PKD1L1: variants seen among roughly 807,000 people sequenced by gnomAD.
PKD1L1 encodes polycystin-1-like protein 1.
In PKD1L1, 236 loss-of-function variants were observed where a neutral mutation model predicts 323.4. The observed-to-expected ratio is 0.73, with a 90% CI of 0.66 to 0.81. The LOEUF (loss-of-function observed/expected upper bound fraction) is 0.81. Ranked by LOEUF, PKD1L1 falls within the 40% of genes least tolerant of loss-of-function variation. The probability of loss-of-function intolerance (pLI) is 0.00; values close to 1 mark genes in which losing one functional copy is unlikely to be tolerated. For missense variants in PKD1L1, 3,320 were observed against 3,508.0 expected (o/e 0.95, Z 1.35); for synonymous variants, 1,344 against 1,335.0 (o/e 1.01, Z -0.15).
At chr7:47,804,366 TTATAA>T (rs1466797234) in intron 52 of PKD1L1, among the ~76,000 whole-genome samples, 1 of 152,140 alleles carries the variant, frequency 6.6e-6, no homozygotes, top group Non-Finnish European at 1.5e-5. Context: ...TAAATTTGTT[TTATAA>T]TATATTTTGT....
In PKD1L1 at chr7:47,858,765, A is replaced by T; in HGVS notation, c.4270T>A (p.Ser1424Thr). 1 of 1,614,144 alleles carries T rather than the reference A, an allele frequency of 6.2e-7. No individual in the cohort carries two copies. Residue 1424 changes from serine (S) to threonine (T), a missense_variant, in exon 27 of 57, where the codon TCC (serine) becomes ACC (threonine). Coordinates refer to ENST00000289672, the MANE Select transcript of PKD1L1 (RefSeq NM_138295.5). The stretch of plus-strand genomic sequence containing the variant: ...TGCTCAGAGACTTCCCAGACTCTGG[A>T]TATGAGACCGATGAGCTCAAGCCTC... Reference protein sequence around the residue: ...GVRLELIGLISRVWEVSEQEN... With the variant: ...GVRLELIGLITRVWEVSEQEN...
chr7:47,927,371 C>T (rs965617272), intron 7 of PKD1L1, among the ~76,000 whole-genome samples: 19 of 152,134 alleles, frequency 1.2e-4, no homozygotes, highest in African/African-American at 4.3e-4. Context: ...CTCCACCTCC[C>T]GGGTTCAAGC....
chr7:47,824,305 C>A (rs1785201197), intron 45 of PKD1L1, among the ~76,000 whole-genome samples: 1 of 152,208 alleles, frequency 6.6e-6, no homozygotes, highest in Admixed American at 6.5e-5. Flanking sequence ...AGAGTTTTGA[C>A]TTCCTTGAAC....
At chr7:47,956,972 TG>T in the PKD1L1 span, 1 of 153,220 alleles carries the variant, frequency 6.5e-6, no homozygotes, top group Non-Finnish European at 1.5e-5. Flanking sequence ...CATATAAAGA[TG>T]AAGGTTTTGC....
upstream of PKD1L1, among the ~76,000 whole-genome samples, chr7:47,948,786 C>T (rs1005090758): frequency 2.6e-5 from 4 of 151,904 alleles, no homozygotes; most frequent in Non-Finnish European, 5.9e-5. Flanking sequence ...GGTGAAACCC[C>T]GTCTCTACTA....
In PKD1L1 at chr7:47,865,523, G is replaced by A. The variant is rs7800256; in HGVS notation, c.4093-251C>T. 0.036 allele frequency among the ~76,000 whole-genome samples: 5,363 copies of A among 147,182 alleles called. 124 individuals are homozygous for A. The highest frequency in any genetic ancestry group is 0.054 in the Non-Finnish European group (3,596 of 66,518). On this transcript the variant is annotated intron_variant, in intron 25 of 56. Coordinates refer to ENST00000289672, the MANE Select transcript of PKD1L1 (RefSeq NM_138295.5). ...GCACACTCCATCAGGGAACTGACAC[G>A]AGGGCTGATGAAATAAGGGTGCAGA... is the stretch of plus-strand genomic sequence containing the variant.
At chr7:47,899,039 G>A (rs551707152) in intron 13 of PKD1L1, among the ~76,000 whole-genome samples, 24 of 152,320 alleles carry the variant, frequency 1.6e-4, no homozygotes, top group South Asian at 2.1e-4. Flanking sequence ...GTAAGAAGCT[G>A]GGGCACTAGT....
At chr7:47,799,705 G>A (rs931628295) in intron 54 of PKD1L1, among the ~76,000 whole-genome samples, 10 of 152,210 alleles carry the variant, frequency 6.6e-5, no homozygotes, top group African/African-American at 2.2e-4. Context: ...ACGAGTCACA[G>A]TGGAGGGATC....
At chr7:47,918,817 T>G (rs1490789364) in intron 7 of PKD1L1, among the ~76,000 whole-genome samples, 1 of 152,104 alleles carries the variant, frequency 6.6e-6, no homozygotes, top group Non-Finnish European at 1.5e-5. Flanking sequence ...TTCTTCAAAC[T>G]GAACCACAAT....
At chr7:47,799,804 A>G (rs928343620) in intron 54 of PKD1L1, among the ~76,000 whole-genome samples, 4 of 152,216 alleles carry the variant, frequency 2.6e-5, no homozygotes, top group African/African-American at 9.7e-5. Flanking sequence ...AGCCTTCCAT[A>G]GGAACACCTG....
chr7:47,889,503 A>G (rs77201237), intron 16 of PKD1L1, among the ~76,000 whole-genome samples: 7,996 of 152,124 alleles, frequency 0.053, 535 homozygotes, highest in African/African-American at 0.16. Context: ...GCAGTGCTGT[A>G]TGACCTTGGG....
the PKD1L1 span, among the ~76,000 whole-genome samples, chr7:47,955,570 T>G: frequency 6.6e-6 from 1 of 152,242 alleles, no homozygotes; most frequent in Admixed American, 6.5e-5. Context: ...TTTTGCCATA[T>G]CAGTACACTT....
chr7:47,899,922 C>T (rs901971481), intron 13 of PKD1L1, among the ~76,000 whole-genome samples: 1 of 137,068 alleles, frequency 7.3e-6, no homozygotes, highest in African/African-American at 2.8e-5. Context: ...CACCACTGCA[C>T]TCCCTCCTAG....
intron 55 of PKD1L1, among the ~76,000 whole-genome samples, chr7:47,794,474 A>C (rs529292008): frequency 6.6e-6 from 1 of 152,290 alleles, no homozygotes; most frequent in East Asian, 1.9e-4. Flanking sequence ...GGGTGCACAG[A>C]AGTCAAGAAT....
At chr7:47,787,855 G>C (rs1383693174) in intron 56 of PKD1L1, among the ~76,000 whole-genome samples, 1 of 152,122 alleles carries the variant, frequency 6.6e-6, no homozygotes, top group Non-Finnish European at 1.5e-5. Flanking sequence ...GGGACTAGAG[G>C]TGTGTGCCAC....
At chr7:47,873,830 G>T in intron 24 of PKD1L1, 69 bp downstream of exon 24, 3 of 1,210,198 alleles carry the variant, frequency 2.5e-6, no homozygotes, top group Non-Finnish European at 3.6e-6. Context: ...TTAACAACTT[G>T]GGGGAGAGCC....
chr7:47,790,467 A>G (rs1024413204), intron 56 of PKD1L1, among the ~76,000 whole-genome samples: 10 of 151,740 alleles, frequency 6.6e-5, no homozygotes, highest in African/African-American at 2.2e-4. Flanking sequence ...AGTAGCTGGG[A>G]CTACAGGCGC....
intron 8 of PKD1L1, among the ~76,000 whole-genome samples, chr7:47,910,697 G>GC (rs972465563): frequency 6.7e-6 from 1 of 149,146 alleles, no homozygotes; most frequent in African/African-American, 2.5e-5. Flanking sequence ...TCACTCTGTC[G>GC]CCCAGGCTAG....
At chr7:47,818,819 T>G (rs1267148339) in intron 46 of PKD1L1, among the ~76,000 whole-genome samples, 1 of 152,212 alleles carries the variant, frequency 6.6e-6, no homozygotes, top group Non-Finnish European at 1.5e-5. Context: ...TTTGTTTTAT[T>G]ATTTTTTTTT....
Sources: allele counts gnomAD v4.1 joint callset (sites outside exome capture counted in the v4.1 genomes callset), GRCh38; gene constraint gnomAD v4.1.1; transcripts MANE v1.5; gene names NCBI Gene and HGNC (gene_info 2026-07-23, HGNC 2026-07-21).